Variants in GRID2 observed in about 807,000 individuals in gnomAD.
GRID2 encodes the protein glutamate ionotropic receptor delta type subunit 2.
Under a neutral mutation model 114.8 loss-of-function variants are expected in GRID2, and 33 were observed. The ratio of observed to expected loss-of-function variants is 0.29; its 90% CI spans 0.22 to 0.38. The LOEUF is 0.38. GRID2 is among the 10% of genes least tolerant of loss of function. The pLI, the probability that GRID2 is intolerant of heterozygous loss-of-function variation, is 1.00. For missense variants in GRID2, 1,184 were observed against 1,257.7 expected (o/e 0.94, Z 0.89); for synonymous variants, 505 against 449.9 (o/e 1.12, Z -1.55).
chr4:93,567,846 A>G (rs1213025740), intron 13 of GRID2, among the ~76,000 whole-genome samples: 2 of 152,206 alleles, frequency 1.3e-5, no homozygotes, highest in Admixed American at 6.5e-5. Flanking sequence ...ATGAACAGTG[A>G]AAATGCATTT....
chr4:92,609,884 G>A (rs548829651), intron 2 of GRID2, among the ~76,000 whole-genome samples: 1 of 151,636 alleles, frequency 6.6e-6, no homozygotes, highest in African/African-American at 2.4e-5. Context: ...CTTGAAAAGA[G>A]AGCCAGTGTA....
intron 13 of GRID2, among the ~76,000 whole-genome samples, chr4:93,590,374 G>T (rs1332235760): frequency 6.7e-6 from 1 of 150,254 alleles, no homozygotes; most frequent in Non-Finnish European, 1.5e-5. Context: ...TAGATAGGTG[G>T]CGTTATTTCT....
intron 12 of GRID2, among the ~76,000 whole-genome samples, chr4:93,496,303 G>GTACAGAGCA (rs1252032006): frequency 6.6e-6 from 1 of 151,722 alleles, no homozygotes; most frequent in African/African-American, 2.4e-5. Context: ...CAAAGATATA[G>GTACAGAGCA]TACAGAGCAG....
At chr4:93,139,617 A>G (rs542380178) in intron 4 of GRID2, among the ~76,000 whole-genome samples, 1 of 152,138 alleles carries the variant, frequency 6.6e-6, no homozygotes, top group South Asian at 2.1e-4. Flanking sequence ...GTCTTTCTAG[A>G]GCACACCACG....
intron 2 of GRID2, among the ~76,000 whole-genome samples, chr4:92,634,986 T>C (rs1365289371): frequency 2.0e-5 from 3 of 152,052 alleles, no homozygotes; most frequent in African/African-American, 7.2e-5. Flanking sequence ...CATTGCCAGA[T>C]CTTCTCAGCT....
At chr4:93,778,115 G>A (rs1734402242), downstream of GRID2, among the ~76,000 whole-genome samples, 1 of 152,240 alleles carries the variant, frequency 6.6e-6, no homozygotes, top group South Asian at 2.1e-4. Context: ...AATAAAATAA[G>A]ATTCAATTTA....
At chr4:92,376,108 A>T (rs1052949007) in intron 1 of GRID2, among the ~76,000 whole-genome samples, 2 of 151,968 alleles carry the variant, frequency 1.3e-5, no homozygotes, top group Non-Finnish European at 2.9e-5. Flanking sequence ...AAAATTATAT[A>T]TATATAAATT....
At chr4:92,567,015 G>T (rs1052610790) in intron 1 of GRID2, among the ~76,000 whole-genome samples, 1 of 151,990 alleles carries the variant, frequency 6.6e-6, no homozygotes, top group Non-Finnish European at 1.5e-5. Flanking sequence ...TATTCAGTTA[G>T]TATCTTTTTC....
intron 1 of GRID2, among the ~76,000 whole-genome samples, chr4:92,493,677 T>G (rs1397024182): frequency 6.6e-6 from 1 of 152,314 alleles, no homozygotes; most frequent in African/African-American, 2.4e-5. Flanking sequence ...TGACTCCCGT[T>G]GGCCTTAGGA....
chr4:92,728,179 T>C (rs537420214), intron 2 of GRID2, among the ~76,000 whole-genome samples: 1 of 152,174 alleles, frequency 6.6e-6, no homozygotes, highest in East Asian at 1.9e-4. Context: ...GGGTATAATG[T>C]GATTGAACCT....
chr4:93,054,139 A>C (rs1487079561), intron 2 of GRID2, among the ~76,000 whole-genome samples: 1 of 151,960 alleles, frequency 6.6e-6, no homozygotes, highest in Admixed American at 6.6e-5. Context: ...AAAGAGGCAG[A>C]TGGCAAACTA....
At chr4:92,664,235 T>C (rs1732659169) in intron 2 of GRID2, among the ~76,000 whole-genome samples, 1 of 151,336 alleles carries the variant, frequency 6.6e-6, no homozygotes, top group African/African-American at 2.4e-5. Flanking sequence ...AAAATTTTCT[T>C]CTTAGCACTG....
At chr4:92,794,329 C>T (rs1453340919) in intron 2 of GRID2, among the ~76,000 whole-genome samples, 1 of 151,724 alleles carries the variant, frequency 6.6e-6, no homozygotes, top group East Asian at 2.0e-4. Flanking sequence ...TCTCTTCTGC[C>T]TGCAAATTTA....
At chr4:92,396,180 T>G (rs1489696245) in intron 1 of GRID2, among the ~76,000 whole-genome samples, 1 of 151,890 alleles carries the variant, frequency 6.6e-6, no homozygotes, top group Non-Finnish European at 1.5e-5. Flanking sequence ...CACTGTAAAT[T>G]AAAGCATTAT....
At chr4:93,254,471 A>C (rs1368427396) in intron 8 of GRID2, among the ~76,000 whole-genome samples, 3 of 152,158 alleles carry the variant, frequency 2.0e-5, no homozygotes, top group Non-Finnish European at 4.4e-5. Context: ...AGCAATTCTT[A>C]ATCAGAAACT....
chr4:93,107,932 T>G (rs1370401060), intron 3 of GRID2, among the ~76,000 whole-genome samples: 1 of 152,044 alleles, frequency 6.6e-6, no homozygotes, highest in East Asian at 1.9e-4. Flanking sequence ...TTGAATAAAA[T>G]TAAAACCTCT....
At chr4:92,840,077 T>C (rs550698028) in intron 2 of GRID2, among the ~76,000 whole-genome samples, 1 of 152,114 alleles carries the variant, frequency 6.6e-6, no homozygotes, top group Admixed American at 6.6e-5. Flanking sequence ...TATAGTTACC[T>C]TCTTTGTCTC....
At chr4:93,724,289 A>G (rs1729644703) in intron 14 of GRID2, among the ~76,000 whole-genome samples, 1 of 152,172 alleles carries the variant, frequency 6.6e-6, no homozygotes. Context: ...TGGAGTAGAG[A>G]CAATCCTTGC....
intron 2 of GRID2, among the ~76,000 whole-genome samples, chr4:92,600,645 G>A (rs1300256578): frequency 6.6e-6 from 1 of 152,218 alleles, no homozygotes; most frequent in Admixed American, 6.5e-5. Context: ...CTTCTGTAGG[G>A]CTGCTGTGGT....
Sources: gnomAD v4.1 joint callset for allele counts (sites outside exome capture counted in the v4.1 genomes callset) on GRCh38, gnomAD v4.1.1 for gene constraint, MANE v1.5 for transcripts, NCBI Gene and HGNC (gene_info 2026-07-23, HGNC 2026-07-21) for gene names.